ZFYVE28: variants seen among roughly 807,000 people sequenced by gnomAD.
ZFYVE28 encodes lateral signaling target protein 2 homolog.
In ZFYVE28, 40 loss-of-function variants were observed where a neutral mutation model predicts 82.1. The ratio of observed to expected loss-of-function variants is 0.49; its 90% confidence interval spans 0.38 to 0.63. The LOEUF is 0.63. Ranked by LOEUF, ZFYVE28 falls within the 30% of genes least tolerant of loss-of-function variation. The probability of loss-of-function intolerance (pLI) is 0.00; values close to 1 mark genes in which losing one functional copy is unlikely to be tolerated. For synonymous variants in ZFYVE28, 612 were observed against 546.1 expected (o/e 1.12, Z -1.68); for missense variants, 1,321 against 1,242.1 (o/e 1.06, Z -0.96).
At position 2,279,547 on chromosome 4, in the gene ZFYVE28, A is replaced by G. The variant is rs370594055; in HGVS notation, c.2052-5331T>C. 3.3e-5 allele frequency among the ~76,000 whole-genome samples: 5 copies of G among 152,302 alleles called. No homozygotes were observed. The East Asian group carries it at 7.7e-4, about 24-fold the overall frequency. On this transcript the variant is annotated intron_variant, in intron 8 of 12. Coordinates refer to ENST00000290974, the MANE Select transcript of ZFYVE28 (RefSeq NM_020972.3). ...GTAATCCCAGCACTTTGGGAGGCCA[A>G]GGTGGGCGGATCACGAGGTCAGGAG... is the stretch of plus-strand genomic sequence containing the variant.
chr4:2,402,221 G>C (rs1406333739), intron 1 of ZFYVE28, among the ~76,000 whole-genome samples: 2 of 152,220 alleles, frequency 1.3e-5, no homozygotes, highest in Non-Finnish European at 2.9e-5. Flanking sequence ...CTGGGAGCTC[G>C]TTTCAACCTG....
intron 8 of ZFYVE28, among the ~76,000 whole-genome samples, chr4:2,297,020 C>A (rs1163852539): frequency 6.6e-6 from 1 of 152,228 alleles, no homozygotes; most frequent in Non-Finnish European, 1.5e-5. Flanking sequence ...CACCGCATGG[C>A]CCTTGGTTGA....
rs772411073 is a variant in ZFYVE28 at position 2,305,128 on chromosome 4, A to G, written c.1212T>C (p.Asp404=). The part of the protein sequence containing the change: ...SDEEERVFFM[D]DVEGTAEALA... ...GGGCTTCTGCCGTCCCCTCCACGTC[A>G]TCCATGAAGAACACGCGCTCCTCCT... The change falls in exon 8 of 13, where the codon GAT becomes GAC. Residue 404 remains aspartate (D), a synonymous_variant. Transcript: ENST00000290974. 1.3e-6 allele frequency: 2 copies of G among 1,591,890 alleles called. No homozygotes were observed. The highest frequency in any genetic ancestry group is 8.6e-7 in the Non-Finnish European group (1 of 1,167,768).
At chr4:2,290,440 C>T (rs1215135771) in intron 8 of ZFYVE28, among the ~76,000 whole-genome samples, 1 of 152,216 alleles carries the variant, frequency 6.6e-6, no homozygotes, top group Non-Finnish European at 1.5e-5. Context: ...GGTGACCCCT[C>T]CATGATCCCG....
In ZFYVE28 at chr4:2,339,575, G is replaced by C. The variant is rs1560236009; in HGVS notation, c.399C>G (p.Arg133=). ...AMRPLAKELT[R]SLEDVRGALR... ...GGGCGCCCCGCACGTCCTCCAGGCT[G>C]CGCGTCAGCTCCTTGGCCAGCGGGC... Residue 133 remains arginine (R), a synonymous_variant, in exon 4 of 13, where the codon CGC becomes CGG. Coordinates refer to ENST00000290974, the MANE Select transcript of ZFYVE28 (RefSeq NM_020972.3). This position sits in a 1 kb window ranked among gnomAD's most constrained non-coding sequence, Gnocchi z 5.0. 2 of 1,612,800 alleles carry C rather than the reference G, an allele frequency of 1.2e-6. No homozygotes were observed. Among genetic ancestry groups the C allele is most frequent in the Non-Finnish European group, 1.7e-6 (2 of 1,179,704 alleles).
chr4:2,274,359 T>C (rs1736206195), intron 8 of ZFYVE28, 143 bp from the exon 9 acceptor site: 1 of 1,076,704 alleles, frequency 9.3e-7, no homozygotes, highest in Non-Finnish European at 1.3e-6. Context: ...GATACACAAC[T>C]TTCCTGTAAC....
Position 2,289,167 on chromosome 4 carries a change from A to C in ZFYVE28, c.2052-14951T>G, listed in dbSNP as rs547265963. Among the ~76,000 whole-genome samples, 10 of 152,318 alleles carry C rather than the reference A, an allele frequency of 6.6e-5. No homozygotes were observed. In the South Asian group the frequency reaches 2.1e-3, roughly 32 times the overall value. ...GGGGGTGGCAAGTGCCCGTGGTCCC[A>C]GCTAGTCTGGTGGCTGAGGCATGAG... On this transcript the variant is annotated intron_variant, in intron 8 of 12. Transcript: ENST00000290974.
chr4:2,387,911 G>A (rs1354169649), intron 1 of ZFYVE28, among the ~76,000 whole-genome samples: 1 of 152,206 alleles, frequency 6.6e-6, no homozygotes, highest in African/African-American at 2.4e-5. Context: ...CCCTGAGCCT[G>A]GGAAGCCCTG....
chr4:2,349,078 G>A (rs1172010456), intron 2 of ZFYVE28, among the ~76,000 whole-genome samples: 4 of 151,946 alleles, frequency 2.6e-5, no homozygotes, highest in East Asian at 1.9e-4. Context: ...TAAGAGAATC[G>A]GACCAGATGA....
chr4:2,319,833 G>A (rs1198661269), intron 7 of ZFYVE28, among the ~76,000 whole-genome samples: 1 of 151,256 alleles, frequency 6.6e-6, no homozygotes, highest in Non-Finnish European at 1.5e-5. Flanking sequence ...GGGATGGTGG[G>A]GACGGTGGGG....
intron 8 of ZFYVE28, among the ~76,000 whole-genome samples, chr4:2,293,326 C>T (rs566834496): frequency 2.0e-5 from 3 of 152,090 alleles, no homozygotes; most frequent in African/African-American, 4.8e-5. Flanking sequence ...ACATATAGGA[C>T]GTACAATTGA....
chr4:2,414,804 T>A (rs28654167), intron 1 of ZFYVE28, among the ~76,000 whole-genome samples: 1 of 152,182 alleles, frequency 6.6e-6, no homozygotes, highest in East Asian at 1.9e-4. Context: ...GGTCAATCAA[T>A]AGAAAGTCAT....
intron 1 of ZFYVE28, among the ~76,000 whole-genome samples, chr4:2,369,901 A>G (rs1220519697): frequency 1.6e-4 from 20 of 128,774 alleles, no homozygotes; most frequent in African/African-American, 5.5e-4. Context: ...ACCAGGCTGG[A>G]GTGCAGTGGC....
chr4:2,344,772 T>A (rs1422292591), intron 2 of ZFYVE28, among the ~76,000 whole-genome samples: 1 of 152,048 alleles, frequency 6.6e-6, no homozygotes, highest in African/African-American at 2.4e-5. Context: ...GGCGAATGCC[T>A]ATAATCCCAA....
At position 2,369,849 on chromosome 4, in the gene ZFYVE28, TC is replaced by T. The variant is rs1184346307; in HGVS notation, c.40-15777del. 1.1e-3 allele frequency among the ~76,000 whole-genome samples: 156 copies of T among 135,704 alleles called. 1 individual carries two copies. The highest frequency in any genetic ancestry group is 4.0e-3 in the African/African-American group (149 of 36,804). The allele number at this position is 135,704 out of a possible 152,430, so 89.0% of individuals were successfully genotyped here. A position where few individuals can be genotyped will look rare whatever the true frequency, so the allele number is the denominator to read the frequency against. On this transcript the variant is annotated intron_variant, in intron 1 of 12. Transcript: ENST00000290974. ...AAAGAAGGGATTTTTTTTTTTCTTT[TC>T]TTTTTTTTTTTTTTTTTTTGAGACA...
chr4:2,368,714 G>A (rs1184136156), intron 1 of ZFYVE28, among the ~76,000 whole-genome samples: 1 of 152,226 alleles, frequency 6.6e-6, no homozygotes, highest in African/African-American at 2.4e-5. Context: ...TGTTTATCCA[G>A]GCATCTGTCG....
intron 1 of ZFYVE28, among the ~76,000 whole-genome samples, chr4:2,392,026 C>T (rs1021190248): frequency 5.3e-5 from 8 of 151,728 alleles, no homozygotes; most frequent in African/African-American, 1.7e-4. Context: ...TGGTGGTGAG[C>T]GCCTATAATC....
intron 11 of ZFYVE28, 130 bp downstream of exon 11, chr4:2,271,545 G>A (rs944105382): frequency 3.6e-6 from 5 of 1,406,908 alleles, no homozygotes; most frequent in South Asian, 1.2e-5. Flanking sequence ...CTCCGGGGGG[G>A]CGGTCTCCCA....
chr4:2,382,139 C>T (rs779261563), intron 1 of ZFYVE28, among the ~76,000 whole-genome samples: 2 of 152,238 alleles, frequency 1.3e-5, no homozygotes, highest in Non-Finnish European at 2.9e-5. Flanking sequence ...ACACCTGGAT[C>T]CCCAGGCAGA....
Sources: allele counts gnomAD v4.1 joint callset (sites outside exome capture counted in the v4.1 genomes callset), GRCh38; gene constraint gnomAD v4.1.1; non-coding constraint Gnocchi (gnomAD v3.1); transcripts MANE v1.5; gene names NCBI Gene and HGNC (gene_info 2026-07-23, HGNC 2026-07-21).